CSMD1: variants seen among roughly 807,000 people sequenced by gnomAD.
The protein encoded by CSMD1 is CUB and Sushi multiple domains 1.
A neutral mutation model predicts 417.5 loss-of-function variants in CSMD1; 213 were observed. The ratio of observed to expected loss-of-function variants is 0.51; its 90% CI spans 0.46 to 0.57. The LOEUF is 0.57. Ranked by LOEUF, CSMD1 falls within the 20% of genes least tolerant of loss-of-function variation. The pLI is 0.00. For missense variants in CSMD1, 6,923 were observed against 4,529.7 expected (o/e 1.53, Z -15.17); for synonymous variants, 2,862 against 1,736.8 (o/e 1.65, Z -16.11).
intron 5 of CSMD1, among the ~76,000 whole-genome samples, chr8:3,782,701 T>G (rs1227188134): frequency 6.6e-6 from 1 of 152,202 alleles, no homozygotes; most frequent in Non-Finnish European, 1.5e-5. Flanking sequence ...AGCTAATAGT[T>G]TTTGGCTAGG....
At chr8:4,460,690 G>C (rs1349207044) in intron 2 of CSMD1, among the ~76,000 whole-genome samples, 2 of 152,012 alleles carry the variant, frequency 1.3e-5, no homozygotes, top group African/African-American at 2.4e-5. Flanking sequence ...TAAACATCTG[G>C]TAGTCAACAA....
At chr8:3,010,685 C>G (rs370738127) in intron 52 of CSMD1, among the ~76,000 whole-genome samples, 1 of 152,104 alleles carries the variant, frequency 6.6e-6, no homozygotes, top group African/African-American at 2.4e-5. Context: ...TGCTCCCACT[C>G]TCACCTGGAT....
chr8:3,133,234 TG>T (rs1446261141), intron 41 of CSMD1, among the ~76,000 whole-genome samples: 2 of 152,092 alleles, frequency 1.3e-5, no homozygotes, highest in Non-Finnish European at 2.9e-5. Flanking sequence ...GCTGTCCCAA[TG>T]GGGCCCCTTC....
At chr8:4,376,131 G>C (rs1313558355) in intron 3 of CSMD1, among the ~76,000 whole-genome samples, 1 of 152,310 alleles carries the variant, frequency 6.6e-6, no homozygotes, top group Admixed American at 6.5e-5. Context: ...ATATGGAAAT[G>C]CACTGCAAAC....
chr8:4,665,727 G>A (rs759640910), intron 1 of CSMD1, among the ~76,000 whole-genome samples: 2 of 152,050 alleles, frequency 1.3e-5, no homozygotes, highest in Non-Finnish European at 2.9e-5. Flanking sequence ...AGTGCTCTAT[G>A]GTATGAATAT....
chr8:4,402,819 TTCTTTTTTTTTTTTTTTTG>T (rs1563136707), intron 3 of CSMD1, among the ~76,000 whole-genome samples: 1 of 67,200 alleles, frequency 1.5e-5, no homozygotes, highest in Admixed American at 2.0e-4. Context: ...TTTTTTTTTT[TTCTTTTTTTTTTTTTTTTG>T]GAGACAGAGC....
intron 10 of CSMD1, among the ~76,000 whole-genome samples, chr8:3,548,420 T>G (rs1291116628): frequency 6.6e-6 from 1 of 152,068 alleles, no homozygotes; most frequent in African/African-American, 2.4e-5. Flanking sequence ...CTGCACCCAG[T>G]TTGTAGTCTT....
At chr8:3,189,822 G>A in intron 34 of CSMD1, 90 bp downstream of exon 34, 10 of 1,230,392 alleles carry the variant, frequency 8.1e-6, no homozygotes, top group Non-Finnish European at 1.0e-5. Flanking sequence ...GAGCCAGATG[G>A]ATTTACGTAG....
chr8:3,343,245 T>C (rs1470794816), intron 23 of CSMD1, 49 bp downstream of exon 23: 4 of 1,506,334 alleles, frequency 2.7e-6, no homozygotes, highest in Admixed American at 1.7e-5. Context: ...GTATCAGATA[T>C]GTCCTGACAA....
chr8:3,680,457 G>T (rs943065389), intron 7 of CSMD1, among the ~76,000 whole-genome samples: 1 of 152,116 alleles, frequency 6.6e-6, no homozygotes, highest in East Asian at 1.9e-4. Context: ...GAAATTCCTT[G>T]ACACATACAC....
At chr8:3,968,010 A>T (rs1357878413) in intron 5 of CSMD1, among the ~76,000 whole-genome samples, 2 of 148,310 alleles carry the variant, frequency 1.3e-5, no homozygotes, top group African/African-American at 5.0e-5. Flanking sequence ...TGCTTAAAAA[A>T]AAAAAAAAAA....
At chr8:4,321,301 T>G (rs1291738412) in intron 3 of CSMD1, among the ~76,000 whole-genome samples, 2 of 152,138 alleles carry the variant, frequency 1.3e-5, no homozygotes, top group Non-Finnish European at 1.5e-5. Flanking sequence ...TGACCCAGTC[T>G]CTTGCCTATT....
At chr8:4,410,718 T>C (rs1013898107) in intron 3 of CSMD1, among the ~76,000 whole-genome samples, 1 of 152,008 alleles carries the variant, frequency 6.6e-6, no homozygotes, top group Non-Finnish European at 1.5e-5. Context: ...GAGAGAAGTA[T>C]GTACAGAAGA....
intron 2 of CSMD1, among the ~76,000 whole-genome samples, chr8:4,454,016 G>C (rs932811660): frequency 4.6e-5 from 7 of 151,698 alleles, no homozygotes; most frequent in African/African-American, 1.7e-4. Context: ...TAGAGACGGG[G>C]TTTCACCGTG....
At chr8:4,202,289 A>G (rs779890427) in intron 3 of CSMD1, among the ~76,000 whole-genome samples, 15 of 152,192 alleles carry the variant, frequency 9.9e-5, no homozygotes, top group Non-Finnish European at 2.1e-4. Context: ...TATGCTTTAA[A>G]AAAATGAAGC....
intron 46 of CSMD1, among the ~76,000 whole-genome samples, chr8:3,103,667 T>C (rs1585356691): frequency 6.6e-6 from 1 of 152,062 alleles, no homozygotes; most frequent in African/African-American, 2.4e-5. Flanking sequence ...TCTCTGCTCT[T>C]GGCTTGTCAT....
intron 29 of CSMD1, 123 bp downstream of exon 29, chr8:3,219,132 A>C: frequency 2.8e-6 from 2 of 714,038 alleles, no homozygotes; most frequent in Non-Finnish European, 4.6e-6. Context: ...CTTCCCAGAC[A>C]GAGGAGACAC....
intron 1 of CSMD1, among the ~76,000 whole-genome samples, chr8:4,664,162 C>G (rs1804776495): frequency 1.3e-5 from 2 of 152,234 alleles, no homozygotes; most frequent in African/African-American, 4.8e-5. Context: ...GAGAGATACT[C>G]TCCCTGCGCA....
At chr8:3,987,333 C>A (rs996679798) in intron 5 of CSMD1, among the ~76,000 whole-genome samples, 2 of 152,208 alleles carry the variant, frequency 1.3e-5, no homozygotes, top group Non-Finnish European at 2.9e-5. Context: ...CCTCCAAGTA[C>A]CGACAGCATC....
Sources: allele counts gnomAD v4.1 joint callset (sites outside exome capture counted in the v4.1 genomes callset), GRCh38; gene constraint gnomAD v4.1.1; transcripts MANE v1.5; gene names NCBI Gene and HGNC (gene_info 2026-07-23, HGNC 2026-07-21).